Variants in TOM1L1 observed in about 807,000 individuals in gnomAD.
TOM1L1 encodes target of myb1 like 1 membrane trafficking protein, also known as TOM1-like protein 1.
In TOM1L1, 64 loss-of-function variants were observed where a neutral mutation model predicts 63.4. That is an observed-to-expected ratio of 1.01 (90% CI 0.83 to 1.24). The LOEUF is 1.24. Ranked by LOEUF, TOM1L1 falls within the 50% of genes most tolerant of loss-of-function variation. The probability of loss-of-function intolerance (pLI) is 0.00; values close to 1 mark genes in which losing one functional copy is unlikely to be tolerated. For missense variants in TOM1L1, 536 were observed against 567.0 expected (o/e 0.95, Z 0.55); for synonymous variants, 166 against 194.4 (o/e 0.85, Z 1.22).
intron 14 of TOM1L1, chr17:54,953,940 A>G (rs2049361610): frequency 6.6e-6 from 1 of 152,130 alleles, no homozygotes; most frequent in Admixed American, 6.6e-5. Context: ...CAATTTAGGA[A>G]TGCTGATGGA....
At chr17:54,938,831 C>CT (rs950297003) in intron 10 of TOM1L1, 93 bp from the exon 11 acceptor site, 42 of 577,610 alleles carry the variant, frequency 7.3e-5, no homozygotes, top group Non-Finnish European at 1.1e-4. Context: ...TTTTCTTTTT[C>CT]TTTTTTCTTT....
chr17:54,938,325 C>T (rs1403594797), intron 10 of TOM1L1, among the ~76,000 whole-genome samples: 1 of 151,926 alleles, frequency 6.6e-6, no homozygotes, highest in African/African-American at 2.4e-5. Context: ...AAAGCCCTGT[C>T]TCTACTAAAA....
chr17:54,927,706 A>G (rs1423757853), intron 7 of TOM1L1, among the ~76,000 whole-genome samples: 6 of 152,134 alleles, frequency 3.9e-5, no homozygotes, highest in Non-Finnish European at 5.9e-5. Context: ...AGTGCCTGCT[A>G]TGGGGAACTC....
At chr17:54,917,313 A>C (rs1289440222) in intron 7 of TOM1L1, 3 of 152,144 alleles carry the variant, frequency 2.0e-5, no homozygotes, top group Non-Finnish European at 4.4e-5. Context: ...TTGTCTCTTA[A>C]CATTTCTTTT....
At chr17:54,946,383 C>T (rs1464385581) in intron 11 of TOM1L1, among the ~76,000 whole-genome samples, 1 of 152,178 alleles carries the variant, frequency 6.6e-6, no homozygotes, top group Non-Finnish European at 1.5e-5. Flanking sequence ...TTTAGTTACC[C>T]TATGATACCA....
chr17:54,932,091 C>T (rs2048871890), intron 8 of TOM1L1, among the ~76,000 whole-genome samples: 1 of 151,802 alleles, frequency 6.6e-6, no homozygotes, highest in Admixed American at 6.6e-5. Context: ...CAGGACGAGC[C>T]GCAGACAAAA....
chr17:54,935,675 C>T (rs1159354616), intron 8 of TOM1L1, among the ~76,000 whole-genome samples: 1 of 152,140 alleles, frequency 6.6e-6, no homozygotes, highest in Non-Finnish European at 1.5e-5. Flanking sequence ...CATATAGCTA[C>T]AAGGTACTAA....
chr17:54,901,544 G>A (rs1039132902), intron 1 of TOM1L1, among the ~76,000 whole-genome samples: 4 of 152,122 alleles, frequency 2.6e-5, no homozygotes, highest in African/African-American at 9.7e-5. Context: ...CCACCTAAAT[G>A]ATTTCTCTCT....
chr17:54,902,571 G>A (rs1459314485), intron 1 of TOM1L1, among the ~76,000 whole-genome samples: 1 of 152,194 alleles, frequency 6.6e-6, no homozygotes, highest in Non-Finnish European at 1.5e-5. Context: ...GATTACAGGC[G>A]GGAGCCACCG....
At chr17:54,930,569 G>T (rs947760482) in intron 8 of TOM1L1, among the ~76,000 whole-genome samples, 1 of 152,138 alleles carries the variant, frequency 6.6e-6, no homozygotes, top group Non-Finnish European at 1.5e-5. Context: ...GCCGGACACG[G>T]TGGCTCACAC....
intron 3 of TOM1L1, among the ~76,000 whole-genome samples, chr17:54,910,221 C>T (rs536139616): frequency 1.3e-4 from 20 of 152,224 alleles, no homozygotes; most frequent in East Asian, 7.7e-4. Context: ...TTTGGGAGGC[C>T]GGGGTGGATG....
intron 3 of TOM1L1, among the ~76,000 whole-genome samples, chr17:54,912,438 T>TG (rs2048511810): frequency 6.6e-6 from 1 of 152,218 alleles, no homozygotes; most frequent in Non-Finnish European, 1.5e-5. Flanking sequence ...AATGCCCTTC[T>TG]GGATGTGCTG....
chr17:54,953,018 A>G (rs749048854), intron 14 of TOM1L1: 7 of 152,152 alleles, frequency 4.6e-5, no homozygotes, highest in Non-Finnish European at 7.3e-5. Flanking sequence ...CCTTATATAC[A>G]TTTCTTCCTG....
At chr17:54,960,005 C>G (rs953324285) in intron 14 of TOM1L1, among the ~76,000 whole-genome samples, 1 of 152,044 alleles carries the variant, frequency 6.6e-6, no homozygotes, top group Non-Finnish European at 1.5e-5. Context: ...TCATATTTCT[C>G]ATTTCAATCA....
intron 5 of TOM1L1, 141 bp from the exon 6 acceptor site, chr17:54,914,498 T>C: frequency 1.6e-6 from 1 of 635,854 alleles, no homozygotes; most frequent in Non-Finnish European, 2.8e-6. Flanking sequence ...GCTGGACGGG[T>C]TGTGTAGCTG....
intron 3 of TOM1L1, among the ~76,000 whole-genome samples, chr17:54,906,154 A>G (rs1232802522): frequency 1.3e-5 from 2 of 151,880 alleles, no homozygotes; most frequent in African/African-American, 4.8e-5. Flanking sequence ...TGAGTGATAA[A>G]GAGAAACCTC....
At chr17:54,955,516 G>A (rs770461166) in intron 14 of TOM1L1, among the ~76,000 whole-genome samples, 1 of 152,084 alleles carries the variant, frequency 6.6e-6, no homozygotes, top group Non-Finnish European at 1.5e-5. Context: ...GATATTTTAG[G>A]GGTTGCCACA....
chr17:54,957,765 GAAGATAC>G (rs1389445565), intron 14 of TOM1L1: 2 of 152,158 alleles, frequency 1.3e-5, no homozygotes, highest in Non-Finnish European at 2.9e-5. Flanking sequence ...GTATGTTTAT[GAAGATAC>G]ACACGATTCA....
At chr17:54,920,046 TAAAC>T (rs951087155) in intron 7 of TOM1L1, among the ~76,000 whole-genome samples, 1 of 152,110 alleles carries the variant, frequency 6.6e-6, no homozygotes, top group African/African-American at 2.4e-5. Flanking sequence ...CCCTATGTCA[TAAAC>T]AAAGAATTCT....
Sources: gnomAD v4.1 joint callset for allele counts (sites outside exome capture counted in the v4.1 genomes callset) on GRCh38, gnomAD v4.1.1 for gene constraint, MANE v1.5 for transcripts, NCBI Gene and HGNC (gene_info 2026-07-23, HGNC 2026-07-21) for gene names.